Variants in MYO16 observed in about 807,000 individuals in gnomAD.
The protein encoded by MYO16 is myosin XVI, also known as unconventional myosin-XVI.
Under a neutral mutation model 205.3 loss-of-function variants are expected in MYO16, and 94 were observed. The observed-to-expected ratio is 0.46, with a 90% CI of 0.39 to 0.54. MYO16 has a LOEUF of 0.54. Ranked by LOEUF, MYO16 falls within the 20% of genes least tolerant of loss-of-function variation. The pLI, the probability that MYO16 is intolerant of heterozygous loss-of-function variation, is 0.00. For missense variants in MYO16, 2,315 were observed against 2,387.5 expected (o/e 0.97, Z 0.63); for synonymous variants, 988 against 954.0 (o/e 1.04, Z -0.66).
chr13:108,654,361 C>T (rs1484477291), intron 1 of MYO16, among the ~76,000 whole-genome samples: 1 of 152,166 alleles, frequency 6.6e-6, no homozygotes, highest in Admixed American at 6.5e-5. Flanking sequence ...ATGGTTTTAT[C>T]AGGGGTTTGC....
intron 20 of MYO16, among the ~76,000 whole-genome samples, chr13:108,990,284 G>C (rs935080092): frequency 6.6e-6 from 1 of 152,088 alleles, no homozygotes; most frequent in African/African-American, 2.4e-5. Context: ...AAGGAGGGCA[G>C]GATGGAGAGG....
intron 20 of MYO16, among the ~76,000 whole-genome samples, chr13:108,989,524 C>T (rs1317477899): frequency 1.3e-5 from 2 of 152,100 alleles, no homozygotes; most frequent in African/African-American, 4.8e-5. Context: ...CTTAATTTAT[C>T]ATAGGGTTCA....
chr13:109,023,952 T>C (rs1417625846), intron 23 of MYO16, among the ~76,000 whole-genome samples: 1 of 142,096 alleles, frequency 7.0e-6, no homozygotes, highest in Non-Finnish European at 1.5e-5. Context: ...TATATGTATA[T>C]AAATATATAC....
chr13:108,654,908 G>A (rs186061353), intron 1 of MYO16, among the ~76,000 whole-genome samples: 1 of 152,272 alleles, frequency 6.6e-6, no homozygotes, highest in East Asian at 1.9e-4. Context: ...CCATCTGGTG[G>A]AAGAAATTTC....
chr13:109,125,432 C>T lies in MYO16; in HGVS notation c.3782+74C>T. The T allele has an allele frequency of 6.4e-7, 1 of 1,563,820 alleles. No homozygotes were observed. Among genetic ancestry groups the T allele is most frequent in the Non-Finnish European group, 8.7e-7 (1 of 1,148,150 alleles). On this transcript the variant is annotated intron_variant, in intron 30 of 34. Coordinates refer to ENST00000457511, the MANE Select transcript of MYO16 (RefSeq NM_001198950.3). This position sits in a 1 kb window ranked among gnomAD's most constrained non-coding sequence, Gnocchi z 4.0. ...TGGAGTCATGAAAATTCAAATAGCC[C>T]TTAATGCAGAGTTCAATCAAATATG...
chr13:109,194,920 A>G (rs1022218685), intron 34 of MYO16, among the ~76,000 whole-genome samples: 18 of 152,094 alleles, frequency 1.2e-4, no homozygotes, highest in Admixed American at 5.9e-4. Context: ...TTTGTAGTAA[A>G]ATTTTTAAGT....
intron 27 of MYO16, among the ~76,000 whole-genome samples, chr13:109,095,278 G>A (rs937127572): frequency 4.6e-5 from 7 of 152,206 alleles, no homozygotes; most frequent in African/African-American, 1.4e-4. Context: ...GATGACAGAC[G>A]CTGGGACAGT....
At chr13:108,653,238 G>T (rs1439714083) in intron 1 of MYO16, among the ~76,000 whole-genome samples, 2 of 152,102 alleles carry the variant, frequency 1.3e-5, no homozygotes, top group Non-Finnish European at 2.9e-5. Context: ...CAGATTATTT[G>T]ATTTTTTGTT....
chr13:108,509,769 C>A, the MYO16 span, among the ~76,000 whole-genome samples: 1 of 152,132 alleles, frequency 6.6e-6, no homozygotes, highest in African/African-American at 2.4e-5. Context: ...GCACATTATG[C>A]ACATGTACCC....
At chr13:108,501,238 C>T in the MYO16 span, among the ~76,000 whole-genome samples, 1 of 152,138 alleles carries the variant, frequency 6.6e-6, no homozygotes, top group African/African-American at 2.4e-5. Context: ...TGGTGTTACA[C>T]GAGTGGATAT....
At chr13:108,792,039 G>A (rs1441342923) in intron 5 of MYO16, among the ~76,000 whole-genome samples, 1 of 152,198 alleles carries the variant, frequency 6.6e-6, no homozygotes, top group Non-Finnish European at 1.5e-5. Context: ...TCCCTTGGAA[G>A]AAGATGAATT....
At chr13:108,654,278 G>A (rs1476159371) in intron 1 of MYO16, among the ~76,000 whole-genome samples, 1 of 152,182 alleles carries the variant, frequency 6.6e-6, no homozygotes, top group Non-Finnish European at 1.5e-5. Flanking sequence ...GAGGAACCCA[G>A]TGGGAGATAA....
chr13:108,977,603 T>G (rs1459363876), intron 20 of MYO16, among the ~76,000 whole-genome samples: 1 of 152,148 alleles, frequency 6.6e-6, no homozygotes, highest in Non-Finnish European at 1.5e-5. Context: ...AAAAAAAACC[T>G]TTAAATTTTC....
At chr13:109,158,947 C>T (rs940895556) in intron 32 of MYO16, among the ~76,000 whole-genome samples, 9 of 152,148 alleles carry the variant, frequency 5.9e-5, no homozygotes, top group African/African-American at 1.9e-4. Flanking sequence ...CCACTGTGCC[C>T]ACTCCAGTCA....
chr13:109,169,168 C>A (rs1878824207), intron 33 of MYO16, among the ~76,000 whole-genome samples: 3 of 152,098 alleles, frequency 2.0e-5, no homozygotes, highest in Non-Finnish European at 4.4e-5. Context: ...ATAATGGCCT[C>A]CAGTTCCATC....
intron 27 of MYO16, among the ~76,000 whole-genome samples, chr13:109,066,692 C>T (rs1234135574): frequency 6.6e-6 from 1 of 152,148 alleles, no homozygotes; most frequent in African/African-American, 2.4e-5. Flanking sequence ...CATGTGGTCT[C>T]TGATCCAGCT....
chr13:109,083,325 G>A (rs1434683710), intron 27 of MYO16, among the ~76,000 whole-genome samples: 1 of 133,332 alleles, frequency 7.5e-6, no homozygotes, highest in African/African-American at 2.8e-5. Context: ...AGAGTTTGCA[G>A]TAGCCTGAGA....
the MYO16 span, among the ~76,000 whole-genome samples, chr13:108,553,290 G>A: frequency 4.7e-3 from 711 of 151,956 alleles, 6 homozygotes; most frequent in African/African-American, 0.016. Flanking sequence ...CGCGCCTGGC[G>A]TTAATACTCT....
chr13:108,952,111 C>CAATA (rs142142365), intron 16 of MYO16, among the ~76,000 whole-genome samples: 1,472 of 138,600 alleles, frequency 0.011, 17 homozygotes, highest in Admixed American at 0.022. Flanking sequence ...GACTCCATCT[C>CAATA]AATAAATAAA....
Sources: allele counts gnomAD v4.1 joint callset (sites outside exome capture counted in the v4.1 genomes callset), GRCh38; gene constraint gnomAD v4.1.1; non-coding constraint Gnocchi (gnomAD v3.1); transcripts MANE v1.5; gene names NCBI Gene and HGNC (gene_info 2026-07-23, HGNC 2026-07-21).